The following MAGI2 variants were observed in gnomAD, a reference collection of about 807,000 sequenced individuals.
MAGI2 encodes membrane associated guanylate kinase, WW and PDZ domain containing 2.
In MAGI2, 35 loss-of-function variants were observed where a neutral mutation model predicts 133.3. That is an observed-to-expected ratio of 0.26 (90% confidence interval 0.20 to 0.35). The LOEUF (loss-of-function observed/expected upper bound fraction) is 0.35, where lower values mean the gene tolerates loss of function less well. Among genes scored for constraint, MAGI2 ranks in the 10% least tolerant of loss-of-function variants. MAGI2 has a pLI of 1.00. For synonymous variants in MAGI2, 729 were observed against 710.6 expected (o/e 1.03, Z -0.41); for missense variants, 1,636 against 1,863.4 (o/e 0.88, Z 2.25).
intron 10 of MAGI2, among the ~76,000 whole-genome samples, chr7:78,207,374 A>G (rs1252943360): frequency 6.6e-6 from 1 of 152,218 alleles, no homozygotes; most frequent in East Asian, 1.9e-4. Context: ...AAAAAGCCCC[A>G]GGGCTTTTAT....
At chr7:78,633,556 A>T (rs1809275347) in intron 2 of MAGI2, among the ~76,000 whole-genome samples, 1 of 152,076 alleles carries the variant, frequency 6.6e-6, no homozygotes, top group Admixed American at 6.5e-5. Context: ...ATACAAAAAA[A>T]TTAGCCGGGC....
intron 1 of MAGI2, among the ~76,000 whole-genome samples, chr7:79,187,906 A>G (rs550066837): frequency 2.3e-4 from 35 of 151,942 alleles, no homozygotes; most frequent in Admixed American, 4.6e-4. Context: ...AGTTATGCAA[A>G]AAAAATTGTA....
chr7:78,314,492 TG>T (rs1303127610), intron 9 of MAGI2, among the ~76,000 whole-genome samples: 1 of 152,180 alleles, frequency 6.6e-6, no homozygotes, highest in East Asian at 1.9e-4. Context: ...TGGAAAAAGA[TG>T]GACTTCACTT....
chr7:78,868,956 T>C (rs2151517016), intron 2 of MAGI2, among the ~76,000 whole-genome samples: 1 of 152,276 alleles, frequency 6.6e-6, no homozygotes, highest in Middle Eastern at 3.4e-3. Flanking sequence ...GGTTTCACCA[T>C]GTTAGCCAGG....
intron 9 of MAGI2, among the ~76,000 whole-genome samples, chr7:78,288,722 G>T (rs766015532): frequency 6.6e-6 from 1 of 152,188 alleles, no homozygotes; most frequent in African/African-American, 2.4e-5. Context: ...CTGGCACCTC[G>T]TGCAGCCGGG....
intron 3 of MAGI2, among the ~76,000 whole-genome samples, chr7:78,586,443 T>C (rs1279472940): frequency 1.3e-5 from 2 of 151,958 alleles, no homozygotes; most frequent in African/African-American, 2.4e-5. Flanking sequence ...TAACATTTTA[T>C]ATAAGAAGAA....
At chr7:78,353,794 C>T (rs1334593636) in intron 7 of MAGI2, among the ~76,000 whole-genome samples, 2 of 152,164 alleles carry the variant, frequency 1.3e-5, no homozygotes, top group Non-Finnish European at 2.9e-5. Flanking sequence ...TGCACACAGA[C>T]ATGCATGTGG....
chr7:78,707,444 T>C (rs574764789), intron 2 of MAGI2, among the ~76,000 whole-genome samples: 156 of 152,260 alleles, frequency 1.0e-3, no homozygotes, highest in African/African-American at 3.7e-3. Context: ...CTCTAAAACA[T>C]TGCTAAGTTG....
At chr7:78,505,202 C>T (rs58090073) in intron 4 of MAGI2, among the ~76,000 whole-genome samples, 9,808 of 152,006 alleles carry the variant, frequency 0.065, 844 homozygotes, top group African/African-American at 0.2. Flanking sequence ...ATTGCATGGG[C>T]CAATTTTTCC....
chr7:78,731,854 AG>A (rs1821394925), intron 2 of MAGI2, among the ~76,000 whole-genome samples: 1 of 152,114 alleles, frequency 6.6e-6, no homozygotes, highest in African/African-American at 2.4e-5. Context: ...ATCTGACAAA[AG>A]TCATACACCT....
intron 1 of MAGI2, among the ~76,000 whole-genome samples, chr7:79,058,642 A>G (rs544768185): frequency 3.7e-4 from 57 of 152,278 alleles, no homozygotes; most frequent in South Asian, 2.5e-3. Flanking sequence ...AGACATCAGC[A>G]AACACTTTCT....
At chr7:78,304,681 A>C (rs1798106909) in intron 9 of MAGI2, among the ~76,000 whole-genome samples, 1 of 152,192 alleles carries the variant, frequency 6.6e-6, no homozygotes, top group African/African-American at 2.4e-5. Context: ...ATTAAATAGC[A>C]TGCCAGATGA....
At chr7:78,040,665 T>C (rs958560615) in intron 21 of MAGI2, among the ~76,000 whole-genome samples, 2 of 152,154 alleles carry the variant, frequency 1.3e-5, no homozygotes, top group Non-Finnish European at 2.9e-5. Flanking sequence ...TCACCTCGCC[T>C]TGGAGACAGC....
intron 2 of MAGI2, among the ~76,000 whole-genome samples, chr7:78,706,056 G>T (rs1818608384): frequency 6.6e-6 from 1 of 152,022 alleles, no homozygotes. Context: ...TATATTAAAT[G>T]GAGTAAATGG....
intron 13 of MAGI2, among the ~76,000 whole-genome samples, chr7:78,182,576 A>T (rs1187083120): frequency 6.6e-6 from 1 of 152,100 alleles, no homozygotes; most frequent in Non-Finnish European, 1.5e-5. Flanking sequence ...GGGAGCCTTC[A>T]TTCTACCTCT....
chr7:79,291,420 G>T (rs1384624937), intron 1 of MAGI2, among the ~76,000 whole-genome samples: 5 of 151,862 alleles, frequency 3.3e-5, no homozygotes, highest in Admixed American at 6.6e-5. Context: ...AATTTCTTTT[G>T]TTATATACCT....
chr7:79,028,196 G>A (rs1810093029), intron 1 of MAGI2, among the ~76,000 whole-genome samples: 1 of 113,092 alleles, frequency 8.8e-6, no homozygotes, highest in African/African-American at 3.2e-5. Flanking sequence ...TGGTGACAAA[G>A]CGAGACTCCA....
At chr7:78,843,379 CT>C (rs932693132) in intron 2 of MAGI2, among the ~76,000 whole-genome samples, 14 of 151,790 alleles carry the variant, frequency 9.2e-5, no homozygotes, top group Admixed American at 7.9e-4. Context: ...TTGGTTGATT[CT>C]TTTTTTGAAA....
In MAGI2 at chr7:79,299,933, G is replaced by C. The variant is rs535674082; in HGVS notation, c.301+153087C>G. Among the ~76,000 whole-genome samples, 8 of 152,184 alleles carry C rather than the reference G, an allele frequency of 5.3e-5. No individual in the cohort carries two copies. In the East Asian group the frequency reaches 1.5e-3, roughly 29 times the overall value. On this transcript the variant is annotated intron_variant, in intron 1 of 21. Transcript: ENST00000354212. The stretch of plus-strand genomic sequence containing the variant: ...TCTGCTTTCACTATGTGAAGTACCT[G>C]CTCCCCCTTGCCTTCCACAATGACT...
Sources: allele counts gnomAD v4.1 joint callset (sites outside exome capture counted in the v4.1 genomes callset), GRCh38; gene constraint gnomAD v4.1.1; transcripts MANE v1.5; gene names NCBI Gene and HGNC (gene_info 2026-07-23, HGNC 2026-07-21).